DYM: variants seen among roughly 807,000 people sequenced by gnomAD.
The protein encoded by DYM is dyggve-Melchior-Clausen syndrome protein.
DYM carries 78 observed loss-of-function variants against 93.1 expected under a neutral mutation model. The ratio of observed to expected loss-of-function variants is 0.84; its 90% CI spans 0.70 to 1.01. DYM has a LOEUF of 1.01. DYM is among the 50% of genes least tolerant of loss of function. The pLI is 0.00. For synonymous variants in DYM, 321 were observed against 319.7 expected (o/e 1.00, Z -0.04); for missense variants, 789 against 845.0 (o/e 0.93, Z 0.82).
intron 17 of DYM, among the ~76,000 whole-genome samples, chr18:49,080,611 T>C (rs867390407): frequency 2.2e-4 from 25 of 115,032 alleles, no homozygotes; most frequent in East Asian, 1.2e-3. Context: ...ACCTCCCTCC[T>C]GGACGGGGCG....
intron 15 of DYM, among the ~76,000 whole-genome samples, chr18:49,124,293 C>A (rs928602183): frequency 1.7e-4 from 26 of 151,884 alleles, no homozygotes; most frequent in African/African-American, 4.8e-4. Flanking sequence ...TCACTTGAGG[C>A]CAGGAGTCAA....
At chr18:49,382,164 T>G (rs1599800264) in intron 3 of DYM, among the ~76,000 whole-genome samples, 1 of 152,278 alleles carries the variant, frequency 6.6e-6, no homozygotes, top group East Asian at 1.9e-4. Flanking sequence ...ACATCTTGTG[T>G]TTTTGGAAAG....
At chr18:49,117,327 G>A (rs1275690861) in intron 16 of DYM, among the ~76,000 whole-genome samples, 1 of 152,102 alleles carries the variant, frequency 6.6e-6, no homozygotes, top group Non-Finnish European at 1.5e-5. Context: ...ATTAATTTCT[G>A]TTTACCAGCA....
rs529037805 is a variant in DYM at position 49,265,930 on chromosome 18, C to T, written c.1251+6248G>A. Among the ~76,000 whole-genome samples, 85 of 151,958 alleles carry T rather than the reference C, an allele frequency of 5.6e-4. 1 individual carries two copies. Among genetic ancestry groups the T allele is most frequent in the Admixed American group, 5.9e-4 (9 of 15,250 alleles). On this transcript the variant is annotated intron_variant, in intron 11 of 17. Transcript: ENST00000675505. ...ATGGTAGACAACACATCCAATGAAA[C>T]CAGTATTAGGCAATTTTGGCAATTT...
At chr18:49,347,738 T>C (rs2064723006) in intron 6 of DYM, among the ~76,000 whole-genome samples, 1 of 152,216 alleles carries the variant, frequency 6.6e-6, no homozygotes, top group South Asian at 2.1e-4. Context: ...TTGGCTATCT[T>C]AAGTGCCAAA....
chr18:49,087,998 G>C (rs1406977674), intron 17 of DYM, among the ~76,000 whole-genome samples: 7 of 152,038 alleles, frequency 4.6e-5, no homozygotes, highest in African/African-American at 1.7e-4. Context: ...TGAGTTCTTT[G>C]TAGATTCTGT....
At chr18:49,322,661 C>T (rs996315222) in intron 8 of DYM, among the ~76,000 whole-genome samples, 1 of 151,890 alleles carries the variant, frequency 6.6e-6, no homozygotes, top group African/African-American at 2.4e-5. Context: ...ATATACCAAA[C>T]ATCTGATAAT....
intron 3 of DYM, chr18:49,390,587 A>C (rs931641806): frequency 1.3e-5 from 2 of 151,714 alleles, no homozygotes; most frequent in African/African-American, 4.8e-5. Flanking sequence ...GGCTCACTGC[A>C]ACCTCTGCCT....
chr18:49,439,685 C>A (rs1057097267), intron 1 of DYM, among the ~76,000 whole-genome samples: 2 of 152,192 alleles, frequency 1.3e-5, no homozygotes, highest in African/African-American at 4.8e-5. Flanking sequence ...CATTTTTACC[C>A]ATCAAACTAG....
intron 11 of DYM, among the ~76,000 whole-genome samples, chr18:49,262,656 G>C (rs1041614988): frequency 9.2e-5 from 14 of 152,074 alleles, no homozygotes; most frequent in African/African-American, 3.4e-4. Context: ...TTAGTAAATA[G>C]CTTTTGTTGT....
intron 1 of DYM, among the ~76,000 whole-genome samples, chr18:49,442,638 C>T (rs1248679915): frequency 2.0e-5 from 3 of 151,980 alleles, no homozygotes; most frequent in African/African-American, 7.2e-5. Flanking sequence ...ACTAAAATAT[C>T]TTTAGATAGA....
At chr18:49,391,190 T>C (rs1023472130) in intron 3 of DYM, among the ~76,000 whole-genome samples, 1 of 152,234 alleles carries the variant, frequency 6.6e-6, no homozygotes, top group East Asian at 1.9e-4. Flanking sequence ...ATAAAATGAT[T>C]CTGGATTCCA....
chr18:49,325,674 C>CA (rs1266488070), intron 8 of DYM, among the ~76,000 whole-genome samples: 1 of 152,016 alleles, frequency 6.6e-6, no homozygotes, highest in African/African-American at 2.4e-5. Flanking sequence ...ATAAAATAGG[C>CA]AAAAAATTTA....
At chr18:49,267,329 G>C (rs1359745810) in intron 11 of DYM, among the ~76,000 whole-genome samples, 2 of 152,034 alleles carry the variant, frequency 1.3e-5, no homozygotes, top group Non-Finnish European at 2.9e-5. Flanking sequence ...TACTGTATAT[G>C]AAAATACATT....
chr18:49,069,598 A>G (rs1308698953), intron 17 of DYM, among the ~76,000 whole-genome samples: 1 of 152,246 alleles, frequency 6.6e-6, no homozygotes, highest in Non-Finnish European at 1.5e-5. Context: ...TTATAAAAGT[A>G]AGACTCATGT....
chr18:49,443,385 A>G (rs1167395234), intron 1 of DYM, among the ~76,000 whole-genome samples: 2 of 152,160 alleles, frequency 1.3e-5, no homozygotes, highest in Non-Finnish European at 2.9e-5. Flanking sequence ...ACAAATCTCA[A>G]TGACACGGTT....
chr18:49,164,851 C>T (rs1217064240), intron 14 of DYM, among the ~76,000 whole-genome samples: 1 of 152,166 alleles, frequency 6.6e-6, no homozygotes, highest in African/African-American at 2.4e-5. Flanking sequence ...TCAGACTATT[C>T]TATTCTAGAG....
chr18:49,152,786 T>G (rs2085965357), intron 15 of DYM, among the ~76,000 whole-genome samples: 1 of 152,196 alleles, frequency 6.6e-6, no homozygotes, highest in Non-Finnish European at 1.5e-5. Flanking sequence ...GAATATCATT[T>G]AGCCATAAAT....
intron 1 of DYM, among the ~76,000 whole-genome samples, chr18:49,439,792 C>T (rs747878903): frequency 9.2e-5 from 14 of 151,924 alleles, no homozygotes; most frequent in Non-Finnish European, 1.6e-4. Context: ...TTTCCAGAAG[C>T]TGAGTTCAAG....
Sources: allele counts gnomAD v4.1 joint callset (sites outside exome capture counted in the v4.1 genomes callset), GRCh38; gene constraint gnomAD v4.1.1; transcripts MANE v1.5; gene names NCBI Gene and HGNC (gene_info 2026-07-23, HGNC 2026-07-21).